The following GABRA2 variants were observed in gnomAD, a reference collection of about 807,000 sequenced individuals.
The protein encoded by GABRA2 is gamma-aminobutyric acid receptor subunit alpha-2.
A neutral mutation model predicts 48.7 loss-of-function variants in GABRA2; 16 were observed. That is an observed-to-expected ratio of 0.33 (90% CI 0.22 to 0.50). GABRA2 has a LOEUF of 0.50. GABRA2 is among the 20% of genes least tolerant of loss of function. GABRA2 has a pLI of 0.98. For missense variants in GABRA2, 275 were observed against 535.6 expected, an observed-to-expected ratio of 0.51 and a Z score of 4.80; for synonymous variants, 185 against 184.5, an observed-to-expected ratio of 1.00 and a Z score of -0.02.
chr4:46,334,973 T>C (rs951030589), intron 3 of GABRA2, among the ~76,000 whole-genome samples: 1 of 152,132 alleles, frequency 6.6e-6, no homozygotes, highest in African/African-American at 2.4e-5. Flanking sequence ...TGGTCAGATT[T>C]CAATATGGAT....
At chr4:46,271,137 A>C (rs568129884) in intron 8 of GABRA2, among the ~76,000 whole-genome samples, 159 of 152,114 alleles carry the variant, frequency 1.0e-3, no homozygotes, top group African/African-American at 3.7e-3. Flanking sequence ...AAGAAGGAGA[A>C]GTCTCAGAAA....
intron 8 of GABRA2, among the ~76,000 whole-genome samples, chr4:46,265,824 T>C (rs1014446870): frequency 2.6e-5 from 4 of 152,026 alleles, no homozygotes; most frequent in Admixed American, 1.3e-4. Context: ...GAGATACAAA[T>C]TTCTCTTTAA....
chr4:46,350,688 T>C (rs1734971090), intron 3 of GABRA2, among the ~76,000 whole-genome samples: 1 of 151,908 alleles, frequency 6.6e-6, no homozygotes, highest in Admixed American at 6.6e-5. Flanking sequence ...TAAATGAATG[T>C]TCTTTCTTAC....
intron 4 of GABRA2, among the ~76,000 whole-genome samples, chr4:46,327,185 TA>T (rs1231562250): frequency 4.6e-5 from 7 of 152,100 alleles, no homozygotes; most frequent in African/African-American, 1.7e-4. Flanking sequence ...TCTTATAATA[TA>T]TTTGTGCTTC....
intron 3 of GABRA2, among the ~76,000 whole-genome samples, chr4:46,350,113 T>A (rs1176417853): frequency 4.6e-5 from 7 of 151,920 alleles, no homozygotes; most frequent in Non-Finnish European, 1.5e-5. Flanking sequence ...ATCATCCAAA[T>A]TCAACAGCTA....
chr4:46,350,913 T>C lies in GABRA2; in HGVS notation c.188-18231A>G, dbSNP rs552226705. ...TAATCAAAAGTGCAAAGGTGTGGTG[T>C]AGGAGGTAAGAGATAGGGGGAGGGG... is the stretch of plus-strand genomic sequence containing the variant. On this transcript the variant is annotated intron_variant, in intron 3 of 9. Coordinates refer to ENST00000381620, the MANE Select transcript of GABRA2 (RefSeq NM_000807.4). Among the ~76,000 whole-genome samples, 3 of 151,948 alleles carry C rather than the reference T, an allele frequency of 2.0e-5. No individual in the cohort carries two copies. In the East Asian group the frequency reaches 5.8e-4, roughly 29 times the overall value.
intron 8 of GABRA2, among the ~76,000 whole-genome samples, chr4:46,280,556 A>G (rs920177085): frequency 6.6e-6 from 1 of 152,180 alleles, no homozygotes; most frequent in Admixed American, 6.5e-5. Flanking sequence ...TTGTAACACA[A>G]GTATGACATT....
At chr4:46,372,277 T>C (rs375733644) in intron 3 of GABRA2, among the ~76,000 whole-genome samples, 1 of 152,174 alleles carries the variant, frequency 6.6e-6, no homozygotes, top group South Asian at 2.1e-4. Flanking sequence ...TTTCCCCAGA[T>C]GTCTTCCTAG....
intron 8 of GABRA2, among the ~76,000 whole-genome samples, chr4:46,290,817 C>T (rs1221364929): frequency 6.6e-6 from 1 of 152,018 alleles, no homozygotes; most frequent in Non-Finnish European, 1.5e-5. Flanking sequence ...TGACAAATTC[C>T]TGATAAAATG....
At position 46,360,663 on chromosome 4, in the gene GABRA2, G is replaced by C. The variant is rs550620963; in HGVS notation, c.187+25411C>G. On this transcript the variant is annotated intron_variant, in intron 3 of 9. Transcript: ENST00000381620. ...TAAAAGATACCCAAAAATGTGGAAA[G>C]GACTTTGGAACTGGGTAACAGGCAG... 1.4e-4 allele frequency among the ~76,000 whole-genome samples: 21 copies of C among 152,326 alleles called. No individual in the cohort carries two copies. The South Asian group carries it at 4.3e-3, about 32-fold the overall frequency.
chr4:46,330,670 T>C (rs764739117), intron 4 of GABRA2, among the ~76,000 whole-genome samples: 3 of 150,866 alleles, frequency 2.0e-5, no homozygotes, highest in Non-Finnish European at 4.4e-5. Flanking sequence ...ATGCAGTAAC[T>C]GCTACTACTG....
intron 8 of GABRA2, among the ~76,000 whole-genome samples, chr4:46,273,341 C>A (rs1485092526): frequency 6.7e-6 from 1 of 150,058 alleles, no homozygotes; most frequent in Non-Finnish European, 1.5e-5. Flanking sequence ...TCAAATATTT[C>A]TTCTCTGTCC....
intron 8 of GABRA2, among the ~76,000 whole-genome samples, chr4:46,276,841 T>A (rs1720606062): frequency 6.6e-6 from 1 of 152,198 alleles, no homozygotes; most frequent in Non-Finnish European, 1.5e-5. Flanking sequence ...ATCTGAAGTG[T>A]CTAACAGAGT....
intron 3 of GABRA2, among the ~76,000 whole-genome samples, chr4:46,344,380 A>G (rs1374653873): frequency 6.6e-6 from 1 of 151,898 alleles, no homozygotes; most frequent in Admixed American, 6.6e-5. Flanking sequence ...TCACTAGCAG[A>G]GTAAGGAGTG....
chr4:46,246,902 A>G lies in GABRA2; in HGVS notation c.*3406T>C, dbSNP rs1045002151. 6.6e-6 allele frequency among the ~76,000 whole-genome samples: 1 copy of G among 151,182 alleles called. No individual in the cohort carries two copies. Among genetic ancestry groups the G allele is most frequent in the African/African-American group, 2.4e-5 (1 of 41,346 alleles). On this transcript the variant is annotated 3_prime_UTR_variant, in exon 10 of 10. Transcript: ENST00000381620. ...TCTTTCATTGGAATGATGACCGGCC[A>G]TGCCAAAGAAAAGTACTTTGGTGCT... is the stretch of plus-strand genomic sequence containing the variant.
intron 3 of GABRA2, chr4:46,368,542 C>A (rs62304124): frequency 6.3e-6 from 1 of 159,110 alleles, no homozygotes; most frequent in Non-Finnish European, 1.4e-5. Flanking sequence ...TGGGACCAAA[C>A]CAAATCTGAA....
intron 3 of GABRA2, among the ~76,000 whole-genome samples, chr4:46,375,424 T>C (rs1715543168): frequency 6.6e-6 from 1 of 151,424 alleles, no homozygotes; most frequent in African/African-American, 2.4e-5. Flanking sequence ...TCATGTCTAG[T>C]TTTTTTTTCT....
intron 1 of GABRA2, chr4:46,389,503 C>G (rs1717942657): frequency 1.5e-6 from 1 of 663,742 alleles, no homozygotes; most frequent in African/African-American, 2.0e-5. Flanking sequence ...AAGAGCCAGG[C>G]TAACGTGCTG....
At chr4:46,256,755 GC>G (rs1324068182) in intron 9 of GABRA2, among the ~76,000 whole-genome samples, 1 of 151,248 alleles carries the variant, frequency 6.6e-6, no homozygotes. Flanking sequence ...TTGATGAACT[GC>G]CTGAAATATT....
Sources: gnomAD v4.1 joint callset for allele counts (sites outside exome capture counted in the v4.1 genomes callset) on GRCh38, gnomAD v4.1.1 for gene constraint, MANE v1.5 for transcripts, NCBI Gene and HGNC (gene_info 2026-07-23, HGNC 2026-07-21) for gene names.